The following RIMBP2 variants were observed in gnomAD, a reference collection of about 807,000 sequenced individuals.
The protein encoded by RIMBP2 is RIMS-binding protein 2.
RIMBP2 carries 48 observed loss-of-function variants against 118.6 expected under a neutral mutation model. The ratio of observed to expected loss-of-function variants is 0.40; its 90% CI spans 0.32 to 0.51. RIMBP2 has a LOEUF of 0.51. RIMBP2 is among the 20% of genes least tolerant of loss of function. The pLI is 0.41. For missense variants in RIMBP2, 1,551 were observed against 1,768.3 expected (o/e 0.88, Z 2.20); for synonymous variants, 762 against 742.9 (o/e 1.03, Z -0.42).
In RIMBP2 at chr12:130,683,081, A is replaced by T. The variant is rs1375610448; in HGVS notation, c.-352+33141T>A. Among the ~76,000 whole-genome samples the T allele has an allele frequency of 6.6e-6, 1 of 151,976 alleles. No individual in the cohort carries two copies. The highest frequency in any genetic ancestry group is 6.6e-5 in the Admixed American group (1 of 15,252). ...GTGCCTTCCCCAAAAAACCCACATG[A>T]CCCCATTTGGAAACAGGGTCTGTGC... On this transcript the variant is annotated intron_variant, in intron 1 of 22. Coordinates refer to ENST00000690449, the MANE Select transcript of RIMBP2 (RefSeq NM_001393629.1). This position sits in a 1 kb window ranked among gnomAD's most constrained non-coding sequence, Gnocchi z 4.4.
At chr12:130,479,615 G>C (rs1052878124) in intron 4 of RIMBP2, among the ~76,000 whole-genome samples, 1 of 127,124 alleles carries the variant, frequency 7.9e-6, no homozygotes, top group Non-Finnish European at 1.5e-5. Context: ...CCCGGCCTCG[G>C]GCCGAGTCCG....
intron 21 of RIMBP2, among the ~76,000 whole-genome samples, chr12:130,402,176 T>C (rs4759672): frequency 0.98 from 148,617 of 152,218 alleles, 72,650 homozygotes; most frequent in East Asian, 1. Flanking sequence ...ACGACGGGAC[T>C]TGCTCGCGGT....
At chr12:130,466,643 G>T (rs2080503949) in intron 6 of RIMBP2, among the ~76,000 whole-genome samples, 1 of 152,170 alleles carries the variant, frequency 6.6e-6, no homozygotes, top group Admixed American at 6.5e-5. Context: ...TAGCCGCAAA[G>T]ATTAAAAAGC....
chr12:130,664,529 T>C (rs1413944600), intron 1 of RIMBP2, among the ~76,000 whole-genome samples: 1 of 147,342 alleles, frequency 6.8e-6, no homozygotes, highest in South Asian at 2.2e-4. Context: ...GACCTGGAGG[T>C]CATGACACCT....
chr12:130,680,750 C>G (rs2064742755), intron 1 of RIMBP2, among the ~76,000 whole-genome samples: 1 of 152,170 alleles, frequency 6.6e-6, no homozygotes, highest in Admixed American at 6.5e-5. Flanking sequence ...TCCTACAGTG[C>G]ATGGAACAGC....
chr12:130,588,426 A>G (rs1286206170), intron 2 of RIMBP2, among the ~76,000 whole-genome samples: 3 of 152,230 alleles, frequency 2.0e-5, no homozygotes, highest in Non-Finnish European at 4.4e-5. Flanking sequence ...AGCATCATTC[A>G]CTACAAACAG....
At chr12:130,473,721 C>T (rs2081200400) in intron 5 of RIMBP2, among the ~76,000 whole-genome samples, 1 of 152,136 alleles carries the variant, frequency 6.6e-6, no homozygotes, top group Non-Finnish European at 1.5e-5. Flanking sequence ...TGGACATTTT[C>T]TAATACTCCA....
chr12:130,579,242 C>G (rs1246291537), intron 2 of RIMBP2, among the ~76,000 whole-genome samples: 1 of 152,148 alleles, frequency 6.6e-6, no homozygotes, highest in Non-Finnish European at 1.5e-5. Context: ...AGAGGGTTCA[C>G]AGTGGCTGGC....
intron 2 of RIMBP2, among the ~76,000 whole-genome samples, chr12:130,587,148 A>G (rs1166050709): frequency 1.3e-5 from 2 of 151,164 alleles, no homozygotes; most frequent in Non-Finnish European, 2.9e-5. Context: ...CACACCAGTT[A>G]GAATGGTGAT....
At chr12:130,460,316 A>C (rs909945835) in intron 6 of RIMBP2, among the ~76,000 whole-genome samples, 1 of 152,140 alleles carries the variant, frequency 6.6e-6, no homozygotes, top group Non-Finnish European at 1.5e-5. Flanking sequence ...AGCAGCAGCA[A>C]AGCGGCGCTC....
intron 1 of RIMBP2, chr12:130,658,876 G>GA (rs1262542087): frequency 2.6e-5 from 4 of 152,282 alleles, no homozygotes; most frequent in African/African-American, 9.6e-5. Flanking sequence ...CACAACGTGA[G>GA]AAAAAATGCT....
chr12:130,398,832 A>T (rs1419876464), intron 22 of RIMBP2: 12 of 192,374 alleles, frequency 6.2e-5, no homozygotes. Flanking sequence ...ACACACAGTT[A>T]GCTTGTTAAG....
At chr12:130,457,168 T>C (rs1008945450) in intron 6 of RIMBP2, among the ~76,000 whole-genome samples, 1 of 152,148 alleles carries the variant, frequency 6.6e-6, no homozygotes, top group Non-Finnish European at 1.5e-5. Flanking sequence ...TCAGGTGCTG[T>C]CCCATGGATG....
intron 2 of RIMBP2, among the ~76,000 whole-genome samples, chr12:130,550,196 T>A (rs937884994): frequency 2.0e-5 from 3 of 152,212 alleles, no homozygotes; most frequent in Non-Finnish European, 2.9e-5. Flanking sequence ...AGAAGGGATG[T>A]CTACTGCATC....
At chr12:130,549,645 A>G (rs2055538124) in intron 2 of RIMBP2, among the ~76,000 whole-genome samples, 1 of 152,154 alleles carries the variant, frequency 6.6e-6, no homozygotes, top group Admixed American at 6.5e-5. Context: ...CGCTGAGGAT[A>G]ATGGCCTCCA....
chr12:130,520,350 C>T (rs1044867282), intron 2 of RIMBP2, among the ~76,000 whole-genome samples: 5 of 152,114 alleles, frequency 3.3e-5, no homozygotes, highest in African/African-American at 4.8e-5. Flanking sequence ...TTGGTCCAAG[C>T]GTGAACAGGC....
At chr12:130,515,193 A>C (rs2051321446) in intron 3 of RIMBP2, among the ~76,000 whole-genome samples, 1 of 152,192 alleles carries the variant, frequency 6.6e-6, no homozygotes, top group African/African-American at 2.4e-5. Flanking sequence ...CACCTTTTTA[A>C]GAAAAATTAT....
In RIMBP2 at chr12:130,653,798, CA is replaced by C. The variant is rs371354709; in HGVS notation, c.-351-25343del. ...CAGGCTTAACAACATGTGGAAGCCC[CA>C]AAGGCTAATGGCTTGCACCCTCAGA... On this transcript the variant is annotated intron_variant, in intron 1 of 22. Coordinates refer to ENST00000690449, the MANE Select transcript of RIMBP2 (RefSeq NM_001393629.1). Among the ~76,000 whole-genome samples the C allele has an allele frequency of 2.4e-4, 36 of 152,352 alleles. No homozygotes were observed. The South Asian group carries it at 7.5e-3, about 32-fold the overall frequency.
intron 2 of RIMBP2, among the ~76,000 whole-genome samples, chr12:130,580,482 A>G (rs111879544): frequency 0.036 from 5,459 of 152,272 alleles, 307 homozygotes; most frequent in African/African-American, 0.12. Context: ...TGAGGCCTCC[A>G]CAGCCATGTG....
Sources: allele counts gnomAD v4.1 joint callset (sites outside exome capture counted in the v4.1 genomes callset), GRCh38; gene constraint gnomAD v4.1.1; non-coding constraint Gnocchi (gnomAD v3.1); transcripts MANE v1.5; gene names NCBI Gene and HGNC (gene_info 2026-07-23, HGNC 2026-07-21).